The following NALF1 variants were observed in gnomAD, a reference collection of about 807,000 sequenced individuals.
The protein encoded by NALF1 is NALCN channel auxiliary factor 1.
In NALF1, 3 loss-of-function variants were observed where a neutral mutation model predicts 48.4. The ratio of observed to expected loss-of-function variants is 0.06; its 90% CI spans 0.03 to 0.16. NALF1 has a LOEUF of 0.16. Among genes scored for constraint, NALF1 ranks in the 10% least tolerant of loss-of-function variants. The pLI, the probability that NALF1 is intolerant of heterozygous loss-of-function variation, is 1.00. For missense variants in NALF1, 526 were observed against 571.5 expected, an observed-to-expected ratio of 0.92 and a Z score of 0.81; for synonymous variants, 262 against 245.7, an observed-to-expected ratio of 1.07 and a Z score of -0.62.
At chr13:107,796,039 G>A (rs896863562) in intron 1 of NALF1, among the ~76,000 whole-genome samples, 6 of 152,088 alleles carry the variant, frequency 3.9e-5, no homozygotes, top group East Asian at 3.9e-4. Context: ...CCTAAGCCAC[G>A]ATTTTTTAAA....
intron 1 of NALF1, among the ~76,000 whole-genome samples, chr13:107,835,178 G>T (rs1030766564): frequency 6.6e-6 from 1 of 152,116 alleles, no homozygotes; most frequent in African/African-American, 2.4e-5. Flanking sequence ...TGTCTTCAGG[G>T]TTAAAAACAG....
chr13:107,332,452 C>T (rs374444533), intron 1 of NALF1, among the ~76,000 whole-genome samples: 6 of 152,326 alleles, frequency 3.9e-5, no homozygotes, highest in East Asian at 1.9e-4. Context: ...GAGCTACAGC[C>T]GGAGCAAAGC....
chr13:107,273,298 C>T (rs1416667385), intron 1 of NALF1, among the ~76,000 whole-genome samples: 2 of 152,144 alleles, frequency 1.3e-5, no homozygotes. Context: ...TAACATTAAA[C>T]CTGGCATAAA....
chr13:107,271,814 A>ACATATATATT (rs1881179216), intron 1 of NALF1, among the ~76,000 whole-genome samples: 1 of 102,596 alleles, frequency 9.7e-6, no homozygotes. Flanking sequence ...ATATATATAT[A>ACATATATATT]TATTTATATA....
chr13:107,640,654 A>T (rs1472129899), intron 1 of NALF1, among the ~76,000 whole-genome samples: 5 of 152,164 alleles, frequency 3.3e-5, no homozygotes, highest in Admixed American at 3.3e-4. Flanking sequence ...TGCATAAATA[A>T]TTTTATAAGA....
At chr13:107,723,456 T>C (rs1876048893) in intron 1 of NALF1, among the ~76,000 whole-genome samples, 1 of 152,178 alleles carries the variant, frequency 6.6e-6, no homozygotes, top group Non-Finnish European at 1.5e-5. Context: ...TACACACACA[T>C]TTTTATTCAA....
At chr13:107,341,319 T>G (rs1882676433) in intron 1 of NALF1, among the ~76,000 whole-genome samples, 1 of 152,086 alleles carries the variant, frequency 6.6e-6, no homozygotes, top group Non-Finnish European at 1.5e-5. Context: ...AGAGGCACAA[T>G]AAGCACAGTT....
chr13:107,372,828 T>A (rs1883270225), intron 1 of NALF1, among the ~76,000 whole-genome samples: 1 of 152,176 alleles, frequency 6.6e-6, no homozygotes, highest in Admixed American at 6.5e-5. Context: ...CTTAAGAAAA[T>A]CTTTAAACAC....
chr13:107,821,973 GT>G (rs1490954015), intron 1 of NALF1, among the ~76,000 whole-genome samples: 1 of 151,832 alleles, frequency 6.6e-6, no homozygotes, highest in African/African-American at 2.4e-5. Context: ...TACAACAGAT[GT>G]GGACAATGGT....
chr13:107,748,234 G>A (rs990773000), intron 1 of NALF1, among the ~76,000 whole-genome samples: 9 of 152,034 alleles, frequency 5.9e-5, no homozygotes, highest in Non-Finnish European at 1.2e-4. Context: ...TGTCTCAGTA[G>A]GCAATTTTAT....
At chr13:107,861,726 T>C (rs1880575372) in intron 1 of NALF1, among the ~76,000 whole-genome samples, 1 of 152,210 alleles carries the variant, frequency 6.6e-6, no homozygotes, top group Admixed American at 6.5e-5. Context: ...GGAAGTTGAA[T>C]GAGCCAACAT....
chr13:107,729,871 A>G (rs1876259498), intron 1 of NALF1, among the ~76,000 whole-genome samples: 1 of 152,204 alleles, frequency 6.6e-6, no homozygotes, highest in Non-Finnish European at 1.5e-5. Flanking sequence ...TTAGTTATTT[A>G]TTAGATGGAC....
rs1378193300 is a variant in NALF1, at chr13:107,288,344, C to T, written c.916-77589G>A. On this transcript the variant is annotated intron_variant, in intron 1 of 2. Coordinates refer to ENST00000375915, the MANE Select transcript of NALF1 (RefSeq NM_001080396.3). The stretch of plus-strand genomic sequence containing the variant: ...ACGCCATTCTCCTGCCTCAGCCTCC[C>T]GAGTAGCTGGGATTACAGGCACCCG... Among the ~76,000 whole-genome samples, 10 of 150,794 alleles carry T rather than the reference C, an allele frequency of 6.6e-5. No homozygotes were observed. In the East Asian group the frequency reaches 9.9e-4, roughly 15 times the overall value.
chr13:107,413,089 T>C (rs1426820832), intron 1 of NALF1, among the ~76,000 whole-genome samples: 1 of 152,198 alleles, frequency 6.6e-6, no homozygotes. Context: ...AGCAGGAACA[T>C]CTTTTCCAGA....
At chr13:107,710,907 T>C (rs538522115) in intron 1 of NALF1, among the ~76,000 whole-genome samples, 1 of 151,226 alleles carries the variant, frequency 6.6e-6, no homozygotes, top group Non-Finnish European at 1.5e-5. Flanking sequence ...ACATATATAT[T>C]AATATATACA....
intron 1 of NALF1, among the ~76,000 whole-genome samples, chr13:107,384,547 G>A (rs947161801): frequency 1.3e-5 from 2 of 151,234 alleles, no homozygotes; most frequent in African/African-American, 2.4e-5. Context: ...TCCCTTTATC[G>A]TGACTAAAAT....
intron 1 of NALF1, among the ~76,000 whole-genome samples, chr13:107,726,969 A>C (rs2391567): frequency 0.85 from 124,105 of 145,254 alleles, 53,587 homozygotes; most frequent in Non-Finnish European, 0.92. Flanking sequence ...GTGTGAAATG[A>C]AGACTCCTTC....
At chr13:107,664,436 A>AAGACAGGTC (rs796178310) in intron 1 of NALF1, among the ~76,000 whole-genome samples, 2 of 152,264 alleles carry the variant, frequency 1.3e-5, no homozygotes, top group African/African-American at 4.8e-5. Context: ...AGTGTCAAGT[A>AAGACAGGTC]AGACAGGTCG....
intron 1 of NALF1, among the ~76,000 whole-genome samples, chr13:107,834,937 G>A (rs562601711): frequency 1.3e-5 from 2 of 152,248 alleles, no homozygotes; most frequent in East Asian, 3.9e-4. Flanking sequence ...GGAGGGAAGG[G>A]AAAGCTCACT....
Sources: allele counts gnomAD v4.1 joint callset (sites outside exome capture counted in the v4.1 genomes callset), GRCh38; gene constraint gnomAD v4.1.1; transcripts MANE v1.5; gene names NCBI Gene and HGNC (gene_info 2026-07-23, HGNC 2026-07-21).